LDB2: variants seen among roughly 807,000 people sequenced by gnomAD.
LDB2 encodes the protein LIM domain binding 2.
In LDB2, 12 loss-of-function variants were observed where a neutral mutation model predicts 44.3. The ratio of observed to expected loss-of-function variants is 0.27; its 90% CI spans 0.17 to 0.44. The LOEUF is 0.44. Ranked by LOEUF, LDB2 falls within the 20% of genes least tolerant of loss-of-function variation. The pLI is 1.00. For synonymous variants in LDB2, 164 were observed against 174.8 expected, an observed-to-expected ratio of 0.94 and a Z score of 0.49; for missense variants, 344 against 473.5, an observed-to-expected ratio of 0.73 and a Z score of 2.54.
intron 2 of LDB2, among the ~76,000 whole-genome samples, chr4:16,636,687 G>C (rs1733692833): frequency 6.6e-6 from 1 of 152,108 alleles, no homozygotes; most frequent in African/African-American, 2.4e-5. Flanking sequence ...GAATGTGGGG[G>C]TGGGGGACAA....
chr4:16,895,298 T>G (rs1442092067), intron 1 of LDB2, among the ~76,000 whole-genome samples: 3 of 152,120 alleles, frequency 2.0e-5, no homozygotes, highest in Non-Finnish European at 2.9e-5. Context: ...TTGATTTAAT[T>G]TAATTGGAAG....
chr4:16,840,921 C>T (rs1222448941), intron 1 of LDB2, among the ~76,000 whole-genome samples: 3 of 152,150 alleles, frequency 2.0e-5, no homozygotes, highest in Non-Finnish European at 4.4e-5. Context: ...CTAGAGGAGA[C>T]CCTGCAAGGA....
intron 1 of LDB2, among the ~76,000 whole-genome samples, chr4:16,897,931 T>TACAC (rs1725697419): frequency 7.0e-5 from 1 of 14,258 alleles, no homozygotes; most frequent in Non-Finnish European, 1.2e-4. Flanking sequence ...TATATATATA[T>TACAC]ATATATACAC....
chr4:16,895,120 T>TAAAA (rs71181199), intron 1 of LDB2, among the ~76,000 whole-genome samples: 12 of 124,668 alleles, frequency 9.6e-5, no homozygotes, highest in African/African-American at 3.4e-4. Context: ...TTTTTCATGC[T>TAAAA]AAAAAAAAAA....
chr4:16,772,093 T>G (rs1195883267), intron 1 of LDB2, among the ~76,000 whole-genome samples: 1 of 152,150 alleles, frequency 6.6e-6, no homozygotes, highest in African/African-American at 2.4e-5. Context: ...CAGGGCCCTT[T>G]GAACCAGCTG....
At chr4:16,699,185 C>T (rs1022736682) in intron 2 of LDB2, among the ~76,000 whole-genome samples, 12 of 152,160 alleles carry the variant, frequency 7.9e-5, no homozygotes, top group African/African-American at 1.9e-4. Flanking sequence ...CATCTTTAAT[C>T]GTAAGATAAC....
rs374253004 is a variant in LDB2 at position 16,595,676 on chromosome 4, G to A, written c.408+27C>T. The A allele has an allele frequency of 4.5e-4, 712 of 1,598,130 alleles. 12 individuals are homozygous for A. The South Asian group carries it at 5.6e-3, about 13-fold the overall frequency. ...TAATGCTCTCAGAGTAGGAAAAGCC[G>A]GGCATGTGACAGAGCCTGTCCTGTA... On this transcript the variant is annotated intron_variant, in intron 3 of 7. Coordinates refer to ENST00000304523, the MANE Select transcript of LDB2 (RefSeq NM_001290.5).
intron 1 of LDB2, among the ~76,000 whole-genome samples, chr4:16,803,944 G>A (rs1245686050): frequency 6.6e-6 from 1 of 152,160 alleles, no homozygotes; most frequent in African/African-American, 2.4e-5. Flanking sequence ...TGGGCCTACA[G>A]GTTTTTACCT....
chr4:16,784,966 G>C (rs1419004470), intron 1 of LDB2, among the ~76,000 whole-genome samples: 10 of 151,700 alleles, frequency 6.6e-5, no homozygotes, highest in Admixed American at 6.6e-4. Context: ...ACAGCACCTA[G>C]ATTATTACAA....
intron 1 of LDB2, among the ~76,000 whole-genome samples, chr4:16,791,990 G>A (rs1304439929): frequency 6.6e-6 from 1 of 152,152 alleles, no homozygotes; most frequent in Non-Finnish European, 1.5e-5. Context: ...TGTTTTTAGT[G>A]ACTTACGTAG....
intron 1 of LDB2, among the ~76,000 whole-genome samples, chr4:16,865,065 A>G (rs560177060): frequency 4.6e-5 from 7 of 152,140 alleles, no homozygotes; most frequent in Non-Finnish European, 8.8e-5. Flanking sequence ...CACCTGGCCA[A>G]CATGGTGAAA....
At chr4:16,777,281 A>G (rs546980877) in intron 1 of LDB2, among the ~76,000 whole-genome samples, 1 of 152,218 alleles carries the variant, frequency 6.6e-6, no homozygotes, top group African/African-American at 2.4e-5. Flanking sequence ...GAGGATGGGC[A>G]CCCTCATGGT....
At chr4:16,742,348 G>A (rs1763475237) in intron 2 of LDB2, among the ~76,000 whole-genome samples, 1 of 152,084 alleles carries the variant, frequency 6.6e-6, no homozygotes, top group African/African-American at 2.4e-5. Flanking sequence ...GGGATTACAG[G>A]CCTTAGCCAC....
chr4:16,773,691 G>A lies in LDB2; in HGVS notation c.133-14431C>T, dbSNP rs563015344. 5.5e-4 allele frequency among the ~76,000 whole-genome samples: 83 copies of A among 152,136 alleles called. No homozygotes were observed. In the Middle Eastern group the frequency reaches 0.014, roughly 25 times the overall value. The stretch of plus-strand genomic sequence containing the variant: ...ACAGACCAGTTCCTGTTAGGAACCC[G>A]TACTCCCCTCCATTTCTACAGTTGC... On this transcript the variant is annotated intron_variant, in intron 1 of 7. Transcript: ENST00000304523.
intron 5 of LDB2, among the ~76,000 whole-genome samples, chr4:16,583,982 A>G (rs146718229): frequency 1.3e-5 from 2 of 152,334 alleles, no homozygotes; most frequent in Non-Finnish European, 2.9e-5. Flanking sequence ...TGAGTGAGTG[A>G]AAAAGAATGG....
chr4:16,630,195 C>A, intron 2 of LDB2, among the ~76,000 whole-genome samples: 1 of 152,168 alleles, frequency 6.6e-6, no homozygotes, highest in African/African-American at 2.4e-5. Context: ...AGATAAAGGT[C>A]GAGTTACCCA....
chr4:16,820,136 A>G (rs1579967789), intron 1 of LDB2, among the ~76,000 whole-genome samples: 1 of 152,340 alleles, frequency 6.6e-6, no homozygotes, highest in Middle Eastern at 3.4e-3. Flanking sequence ...CTTTTGGGGA[A>G]AATGTAAGAT....
intron 5 of LDB2, among the ~76,000 whole-genome samples, chr4:16,549,434 A>T (rs1355975015): frequency 6.6e-6 from 1 of 152,224 alleles, no homozygotes; most frequent in East Asian, 1.9e-4. Context: ...CATTCAGTCT[A>T]TCAGCAAATA....
At chr4:16,691,769 G>A (rs1750823606) in intron 2 of LDB2, among the ~76,000 whole-genome samples, 2 of 152,118 alleles carry the variant, frequency 1.3e-5, no homozygotes, top group African/African-American at 4.8e-5. Context: ...AAATAAAAGG[G>A]AGAAGTTAAC....
Sources: gnomAD v4.1 joint callset for allele counts (sites outside exome capture counted in the v4.1 genomes callset) on GRCh38, gnomAD v4.1.1 for gene constraint, MANE v1.5 for transcripts, NCBI Gene and HGNC (gene_info 2026-07-23, HGNC 2026-07-21) for gene names.